GOLM1: variants seen among roughly 807,000 people sequenced by gnomAD.
GOLM1 encodes the protein epididymis luminal protein 46.
In GOLM1, 31 loss-of-function variants were observed where a neutral mutation model predicts 50.5. The ratio of observed to expected loss-of-function variants is 0.61; its 90% CI spans 0.46 to 0.83. The LOEUF is 0.83. Ranked by LOEUF, GOLM1 falls within the 40% of genes least tolerant of loss-of-function variation. The pLI, the probability that GOLM1 is intolerant of heterozygous loss-of-function variation, is 0.00. For missense variants in GOLM1, 491 were observed against 501.3 expected, an observed-to-expected ratio of 0.98 and a Z score of 0.20; for synonymous variants, 178 against 192.8, an observed-to-expected ratio of 0.92 and a Z score of 0.64.
At chr9:86,094,026 C>T (rs1587746805) in intron 1 of GOLM1, among the ~76,000 whole-genome samples, 1 of 152,340 alleles carries the variant, frequency 6.6e-6, no homozygotes, top group Non-Finnish European at 1.5e-5. Flanking sequence ...GACCTGAGCA[C>T]ACCCCGGCGC....
In GOLM1 at chr9:86,035,559, C is replaced by T; in HGVS notation, c.824G>A (p.Gly275Asp). Reference sequence around the variant, plus strand: ...TCTGTCTTCCACCACCTGCTCCCGGCCTGGCTCCTGCGGCAGCCTGTCCCT... The same window carrying T: ...TCTGTCTTCCACCACCTGCTCCCGGTCTGGCTCCTGCGGCAGCCTGTCCCT... ...PQRDRLPQEP[G>D]REQVVEDRPV... is the part of the protein sequence containing the mutation. The change falls in exon 8 of 10, where the codon GGC becomes GAC. Residue 275 changes from glycine to aspartate, a missense_variant. Transcript: ENST00000388712. 2 of 1,610,314 alleles carry T rather than the reference C, an allele frequency of 1.2e-6. No homozygotes were observed. Among genetic ancestry groups the T allele is most frequent in the Non-Finnish European group, 1.7e-6 (2 of 1,179,878 alleles).
chr9:86,080,377 A>G (rs1288163097), intron 1 of GOLM1, among the ~76,000 whole-genome samples: 2 of 152,242 alleles, frequency 1.3e-5, no homozygotes, highest in African/African-American at 2.4e-5. Context: ...CAGATAAAAC[A>G]GAACCTTATC....
intron 3 of GOLM1, among the ~76,000 whole-genome samples, chr9:86,057,786 A>G (rs1011145735): frequency 3.3e-5 from 5 of 152,198 alleles, no homozygotes; most frequent in African/African-American, 1.2e-4. Flanking sequence ...CATCCCTGAG[A>G]AACACTGGAG....
At chr9:86,080,165 T>TA (rs1316194130) in intron 1 of GOLM1, 2 of 152,224 alleles carry the variant, frequency 1.3e-5, no homozygotes, top group Non-Finnish European at 2.9e-5. Flanking sequence ...ACCGTATCTG[T>TA]GCAACTGCTG....
At chr9:86,095,727 G>A in intron 1 of GOLM1, among the ~76,000 whole-genome samples, 1 of 152,200 alleles carries the variant, frequency 6.6e-6, no homozygotes, top group East Asian at 1.9e-4. Flanking sequence ...AGAACCAGCT[G>A]AAACTTGCAG....
chr9:86,041,011 A>C, intron 5 of GOLM1, 143 bp from the exon 6 acceptor site: 1 of 666,078 alleles, frequency 1.5e-6, no homozygotes, highest in Non-Finnish European at 2.6e-6. Context: ...ACAGGGCAAC[A>C]CGGGTGTGTG....
intron 9 of GOLM1, among the ~76,000 whole-genome samples, chr9:86,028,476 G>C (rs183562221): frequency 2.0e-5 from 3 of 152,320 alleles, no homozygotes; most frequent in Non-Finnish European, 4.4e-5. Context: ...TCTGCTGAGA[G>C]CTACTTCCAC....
At position 86,027,027 on chromosome 9, in the gene GOLM1, C is replaced by G; in HGVS notation, c.*790G>C. 1.0e-6 allele frequency: 1 copy of G among 985,318 alleles called. No individual in the cohort carries two copies. The highest frequency in any genetic ancestry group is 1.2e-6 in the Non-Finnish European group (1 of 829,928). 61.0% of individuals were successfully genotyped at this position (985,318 alleles called of 1,614,324 possible). On this transcript the variant is annotated 3_prime_UTR_variant, in exon 10 of 10. Coordinates refer to ENST00000388712, the MANE Select transcript of GOLM1 (RefSeq NM_016548.4). ...TGCTCCAGGTCAGCCCCCTTTTGGC[C>G]TGTTTGTTTTGTCAAAAACCTAATC...
chr9:86,078,376 G>A (rs1563965423), intron 2 of GOLM1, among the ~76,000 whole-genome samples: 1 of 152,184 alleles, frequency 6.6e-6, no homozygotes, highest in African/African-American at 2.4e-5. Flanking sequence ...GGGATTTATA[G>A]CCAACGAGCA....
chr9:86,085,795 T>C (rs1425219847), intron 1 of GOLM1, among the ~76,000 whole-genome samples: 1 of 152,206 alleles, frequency 6.6e-6, no homozygotes, highest in East Asian at 1.9e-4. Context: ...TCCGTGTCCC[T>C]GGCAAAGGAC....
rs943051741 is a variant in GOLM1 at position 86,036,578 on chromosome 9, A to G, written c.598-71T>C. The G allele has an allele frequency of 4.1e-6, 6 of 1,477,904 alleles. No individual in the cohort carries two copies. In the Admixed American group the frequency reaches 9.7e-5, roughly 24 times the overall value. The allele number at this position is 1,477,904 out of a possible 1,614,324, so 91.5% of individuals were successfully genotyped here. On this transcript the variant is annotated intron_variant, in intron 6 of 9. Coordinates refer to ENST00000388712, the MANE Select transcript of GOLM1 (RefSeq NM_016548.4). ...ACAGAAGCCGTAAAAGAATCCTACC[A>G]ATGCAATGAATCCCACCAATCCCAC...
At chr9:86,053,048 C>T (rs1023779062) in intron 3 of GOLM1, among the ~76,000 whole-genome samples, 1 of 10,842 alleles carries the variant, frequency 9.2e-5, no homozygotes, top group African/African-American at 3.4e-4. Context: ...TGACTCCACA[C>T]ACCACCAGAC....
At chr9:86,096,663 G>C (rs1385680179) in intron 1 of GOLM1, among the ~76,000 whole-genome samples, 2 of 152,152 alleles carry the variant, frequency 1.3e-5, no homozygotes, top group Non-Finnish European at 2.9e-5. Context: ...AATCAGATCT[G>C]ACAAGACACA....
chr9:86,035,296 G>A (rs1331816530), intron 8 of GOLM1, 72 bp downstream of exon 8: 1 of 1,568,416 alleles, frequency 6.4e-7, no homozygotes, highest in African/African-American at 1.4e-5. Flanking sequence ...GTTGGTGCTG[G>A]GAAGGACATG....
chr9:86,027,630 C>T lies in GOLM1; in HGVS notation c.*187G>A, dbSNP rs1410338236. The T allele has an allele frequency of 3.9e-5, 54 of 1,376,638 alleles. No individual in the cohort carries two copies. Among genetic ancestry groups the T allele is most frequent in the Non-Finnish European group, 4.8e-5 (51 of 1,069,914 alleles). 85.3% of individuals were successfully genotyped at this position (1,376,638 alleles called of 1,614,324 possible). On this transcript the variant is annotated 3_prime_UTR_variant, in exon 10 of 10. Transcript: ENST00000388712. ...CCTTATTAGACACTTCCAAAGTACC[C>T]CCCAAAAGCTGTTTAAAAGACCATT...
chr9:86,082,068 G>A (rs188127474), intron 1 of GOLM1, among the ~76,000 whole-genome samples: 3,894 of 106,324 alleles, frequency 0.037, 254 homozygotes, highest in Admixed American at 0.22. Context: ...TCTCTCTGTT[G>A]CCCAGGCTGG....
chr9:86,069,822 A>C (rs1183219826), intron 3 of GOLM1, among the ~76,000 whole-genome samples: 1 of 152,194 alleles, frequency 6.6e-6, no homozygotes, highest in Non-Finnish European at 1.5e-5. Flanking sequence ...CTCTGACTGC[A>C]CTGAAATGCT....
upstream of GOLM1, chr9:86,100,050 G>GC (rs1458522250): frequency 6.6e-6 from 1 of 152,250 alleles, no homozygotes; most frequent in East Asian, 1.9e-4. Context: ...CTCCCACGAG[G>GC]CATTCCCTGT....
At chr9:86,055,518 C>T (rs1833959720) in intron 3 of GOLM1, among the ~76,000 whole-genome samples, 1 of 152,176 alleles carries the variant, frequency 6.6e-6, no homozygotes, top group Non-Finnish European at 1.5e-5. Flanking sequence ...CTCACAGTTA[C>T]CAAGAGGCGA....
Sources: allele counts gnomAD v4.1 joint callset (sites outside exome capture counted in the v4.1 genomes callset), GRCh38; gene constraint gnomAD v4.1.1; transcripts MANE v1.5; gene names NCBI Gene and HGNC (gene_info 2026-07-23, HGNC 2026-07-21).